TRA2B: variants seen among roughly 807,000 people sequenced by gnomAD.
TRA2B encodes transformer 2 beta homolog, also known as transformer-2 protein homolog beta.
In TRA2B, 14 loss-of-function variants were observed where a neutral mutation model predicts 41.7. The observed-to-expected ratio is 0.34, with a 90% CI of 0.22 to 0.53. The LOEUF is 0.53. Ranked by LOEUF, TRA2B falls within the 20% of genes least tolerant of loss-of-function variation. TRA2B has a pLI of 0.95. For missense variants in TRA2B, 167 were observed against 396.8 expected (o/e 0.42, Z 4.92); for synonymous variants, 130 against 128.8 (o/e 1.01, Z -0.06).
At chr3:185,919,573 T>C (rs1743635742) in intron 6 of TRA2B, 77 bp from the exon 7 acceptor site, 1 of 1,289,432 alleles carries the variant, frequency 7.8e-7, no homozygotes, top group African/African-American at 1.5e-5. Flanking sequence ...TTTAGTAAAA[T>C]AAAAACTTTC....
At chr3:185,933,201 G>T (rs1385406332) in intron 1 of TRA2B, among the ~76,000 whole-genome samples, 1 of 152,170 alleles carries the variant, frequency 6.6e-6, no homozygotes, top group Non-Finnish European at 1.5e-5. Flanking sequence ...GAAGATACAA[G>T]AATAGAGGCC....
chr3:185,915,784 T>A lies in TRA2B; in HGVS notation c.*1931A>T, dbSNP rs976492461. The A allele has an allele frequency of 3.9e-5, 6 of 152,112 alleles. No homozygotes were observed. The highest frequency in any genetic ancestry group is 1.2e-4 in the African/African-American group (5 of 41,412). 9.4% of individuals were successfully genotyped at this position (152,112 alleles called of 1,614,324 possible). On this transcript the variant is annotated 3_prime_UTR_variant, in exon 9 of 9. Coordinates refer to ENST00000453386, the MANE Select transcript of TRA2B (RefSeq NM_004593.3). ...AGAAACCGAGGGTTATGTTCGAGAT[T>A]ATCAGGAGTGTGAACTCGCAAGCCA... is the stretch of plus-strand genomic sequence containing the variant.
rs746409861 is a variant in TRA2B, at chr3:185,923,988, G to A, written c.334-4C>T. The A allele has an allele frequency of 7.0e-6, 11 of 1,578,934 alleles. No homozygotes were observed. In the South Asian group the frequency reaches 9.4e-5, roughly 14 times the overall value. On this transcript the variant is annotated splice_region_variant and splice_polypyrimidine_tract_variant and intron_variant, in intron 3 of 8. Coordinates refer to ENST00000453386, the MANE Select transcript of TRA2B (RefSeq NM_004593.3). Reference sequence around the variant, plus strand: ...AACAGTTAGGATCAGGATTTGCCTAGGGAAAAAAAAAAGTTTTAAACTTTG... The same window carrying A: ...AACAGTTAGGATCAGGATTTGCCTAAGGAAAAAAAAAAGTTTTAAACTTTG...
intron 7 of TRA2B, 59 bp from the exon 8 acceptor site, chr3:185,918,497 T>C (rs376402396): frequency 8.0e-6 from 10 of 1,247,810 alleles, no homozygotes; most frequent in African/African-American, 4.5e-5. Flanking sequence ...ACCAAACATA[T>C]AAATTTATGA....
At chr3:185,919,557 C>A in intron 6 of TRA2B, 61 bp from the exon 7 acceptor site, 1 of 1,409,836 alleles carries the variant, frequency 7.1e-7, no homozygotes, top group South Asian at 1.3e-5. Context: ...AAAATTATGT[C>A]ATTCATTTAG....
At chr3:185,924,253 C>T in intron 3 of TRA2B, 1 of 292,694 alleles carries the variant, frequency 3.4e-6, no homozygotes, top group Non-Finnish European at 6.3e-6. Context: ...TGGCATCTTT[C>T]CTTCTATGAA....
chr3:185,937,225 G>A (rs947905113), intron 1 of TRA2B: 15 of 985,756 alleles, frequency 1.5e-5, no homozygotes, highest in Middle Eastern at 5.2e-4. Flanking sequence ...AGTCGGCCTT[G>A]GATTAGTTTC....
chr3:185,937,075 A>T, intron 1 of TRA2B: 2 of 985,374 alleles, frequency 2.0e-6, no homozygotes, highest in Non-Finnish European at 2.4e-6. Context: ...AATCATCTTA[A>T]CGACTTTGTG....
chr3:185,929,390 A>G (rs1430437824), intron 1 of TRA2B, among the ~76,000 whole-genome samples: 17 of 152,222 alleles, frequency 1.1e-4, no homozygotes, highest in Non-Finnish European at 1.5e-5. Flanking sequence ...AGCATACTTC[A>G]AATTCCACTC....
intron 7 of TRA2B, among the ~76,000 whole-genome samples, chr3:185,918,679 T>C (rs538116357): frequency 5.9e-5 from 9 of 152,324 alleles, no homozygotes; most frequent in Admixed American, 5.2e-4. Flanking sequence ...ACTTACTTTT[T>C]AAATTTTGTG....
rs757644823 is a variant in TRA2B at position 185,923,952 on chromosome 3, T to C, written c.366A>G (p.Val122=). 5 of 1,613,000 alleles carry C rather than the reference T, an allele frequency of 3.1e-6. No individual in the cohort carries two copies. Among genetic ancestry groups the C allele is most frequent in the Admixed American group, 1.7e-5 (1 of 59,780 alleles). Residue 122 remains valine, a synonymous_variant, in exon 4 of 9, where the codon GTA becomes GTG. Coordinates refer to ENST00000453386, the MANE Select transcript of TRA2B (RefSeq NM_004593.3). ...ANPDPNCCLG[V]FGLSLYTTER... ...CTGTGGTGTACAAGCTCAGCCCAAA[T>C]ACTCCAAGACAACAGTTAGGATCAG...
At chr3:185,918,279 C>T in intron 8 of TRA2B, 86 bp downstream of exon 8, 3 of 1,019,568 alleles carry the variant, frequency 2.9e-6, no homozygotes, top group Non-Finnish European at 2.9e-6. Flanking sequence ...TACCTGAAAC[C>T]AATCCATTAT....
rs1448284200 is a variant in TRA2B, at chr3:185,916,695, CTAATTA to C, written c.*1014_*1019del. The C allele has an allele frequency of 6.6e-6, 1 of 152,594 alleles. No individual in the cohort carries two copies. The highest frequency in any genetic ancestry group is 1.5e-5 in the Non-Finnish European group (1 of 68,036). 9.5% of individuals were successfully genotyped at this position (152,594 alleles called of 1,614,324 possible). ...CTAACGATTAAACTACAGAAGAACT[CTAATTA>C]TAATAGAACAAGAACACTTCTTTGT... On this transcript the variant is annotated 3_prime_UTR_variant, in exon 9 of 9. Coordinates refer to ENST00000453386, the MANE Select transcript of TRA2B (RefSeq NM_004593.3).
At chr3:185,926,483 G>C in intron 2 of TRA2B, 118 bp downstream of exon 2, 1 of 1,351,384 alleles carries the variant, frequency 7.4e-7, no homozygotes, top group South Asian at 1.4e-5. Context: ...TTCACTTCTA[G>C]TACCAATATT....
chr3:185,935,922 A>AT (rs1744335058), intron 1 of TRA2B: 1 of 985,330 alleles, frequency 1.0e-6, no homozygotes, highest in Non-Finnish European at 1.2e-6. Context: ...TTTTTAACAC[A>AT]TTAAGTTAAC....
chr3:185,937,795 A>G, intron 1 of TRA2B, 30 bp downstream of exon 1: 7 of 1,614,058 alleles, frequency 4.3e-6, no homozygotes, highest in Non-Finnish European at 5.9e-6. Flanking sequence ...CTAGGACCAC[A>G]CAGCCACCCC....
At chr3:185,929,807 A>G (rs1193958063) in intron 1 of TRA2B, among the ~76,000 whole-genome samples, 2 of 152,334 alleles carry the variant, frequency 1.3e-5, no homozygotes, top group East Asian at 1.9e-4. Context: ...ATACTAGTTA[A>G]GTCTGACTTA....
chr3:185,920,412 T>C (rs192114717), intron 6 of TRA2B, among the ~76,000 whole-genome samples: 12 of 152,342 alleles, frequency 7.9e-5, no homozygotes, highest in Admixed American at 5.9e-4. Context: ...GGTGGGAGCG[T>C]ACTTGGCTCA....
intron 1 of TRA2B, chr3:185,931,968 A>G (rs1451674913): frequency 9.1e-6 from 7 of 771,688 alleles, no homozygotes; most frequent in African/African-American, 3.7e-5. Context: ...AAAAAAAAAA[A>G]AAAGAAACTA....
Sources: gnomAD v4.1 joint callset for allele counts (sites outside exome capture counted in the v4.1 genomes callset) on GRCh38, gnomAD v4.1.1 for gene constraint, MANE v1.5 for transcripts, NCBI Gene and HGNC (gene_info 2026-07-23, HGNC 2026-07-21) for gene names.